Variants in CEP162 observed in about 807,000 individuals in gnomAD.
CEP162 encodes the protein centrosomal protein 162.
A neutral mutation model predicts 169.2 loss-of-function variants in CEP162; 141 were observed. That is an observed-to-expected ratio of 0.83 (90% CI 0.73 to 0.96). The LOEUF (loss-of-function observed/expected upper bound fraction) is 0.96, where lower values mean the gene tolerates loss of function less well. Among genes scored for constraint, CEP162 ranks in the 40% least tolerant of loss-of-function variants. CEP162 has a pLI of 0.00. For missense variants in CEP162, 1,600 were observed against 1,587.2 expected, an observed-to-expected ratio of 1.01 and a Z score of -0.14; for synonymous variants, 540 against 526.4, an observed-to-expected ratio of 1.03 and a Z score of -0.35.
intron 25 of CEP162, among the ~76,000 whole-genome samples, chr6:84,140,245 T>C (rs978644155): frequency 8.5e-5 from 13 of 152,192 alleles, no homozygotes; most frequent in Admixed American, 8.5e-4. Context: ...TTAGGAGCCT[T>C]TGGCGTTTCA....
At chr6:84,144,889 T>TATC (rs2099518157) in intron 25 of CEP162, among the ~76,000 whole-genome samples, 1 of 152,168 alleles carries the variant, frequency 6.6e-6, no homozygotes, top group African/African-American at 2.4e-5. Context: ...TTTTTTCCTC[T>TATC]ATCTCTCCAG....
intron 24 of CEP162, among the ~76,000 whole-genome samples, chr6:84,148,386 A>G (rs2099519865): frequency 6.6e-6 from 1 of 152,050 alleles, no homozygotes; most frequent in Non-Finnish European, 1.5e-5. Flanking sequence ...AAAATTAGTC[A>G]GGCATGGTGG....
intron 24 of CEP162, among the ~76,000 whole-genome samples, chr6:84,147,504 A>T (rs2099519415): frequency 6.6e-6 from 1 of 152,166 alleles, no homozygotes. Flanking sequence ...ATACCAAGAC[A>T]TAAAAATGAT....
chr6:84,149,601 GGAA>G lies in CEP162; in HGVS notation c.3729_3731del (p.Ser1244del), dbSNP rs1008097706. On this transcript the variant is annotated inframe_deletion, in exon 24 of 27. Coordinates refer to ENST00000403245, the MANE Select transcript of CEP162 (RefSeq NM_014895.4). ...TTTTACGATTTAGTTCAGCTACTTT[GGAA>G]GAAGAATTTTCTACTGCATTTTGGC... The G allele has an allele frequency of 7.5e-6, 12 of 1,603,442 alleles. No homozygotes were observed. Among genetic ancestry groups the G allele is most frequent in the African/African-American group, 2.7e-5 (2 of 74,554 alleles).
At chr6:84,193,185 T>G (rs568467247) in intron 11 of CEP162, among the ~76,000 whole-genome samples, 1 of 152,262 alleles carries the variant, frequency 6.6e-6, no homozygotes, top group African/African-American at 2.4e-5. Context: ...AGCATTTTAA[T>G]GAGGACCATT....
intron 2 of CEP162, among the ~76,000 whole-genome samples, 199 bp downstream of exon 2, chr6:84,226,138 C>A (rs1727638884): frequency 1.3e-5 from 2 of 151,470 alleles, no homozygotes; most frequent in Non-Finnish European, 2.9e-5. Context: ...GAATGCTGGA[C>A]CATGAGTTGA....
chr6:84,144,679 G>A, intron 25 of CEP162, among the ~76,000 whole-genome samples: 1 of 152,052 alleles, frequency 6.6e-6, no homozygotes, highest in Admixed American at 6.6e-5. Context: ...GTTCACAGAA[G>A]TGCTAACCCA....
intron 17 of CEP162, among the ~76,000 whole-genome samples, chr6:84,170,440 A>G (rs1032070001): frequency 6.6e-6 from 1 of 150,462 alleles, no homozygotes; most frequent in Non-Finnish European, 1.5e-5. Flanking sequence ...CACTGTGCAG[A>G]TTATCACACA....
chr6:84,162,683 A>AT (rs138727709), intron 19 of CEP162, among the ~76,000 whole-genome samples: 3,294 of 151,960 alleles, frequency 0.022, 119 homozygotes, highest in African/African-American at 0.075. Flanking sequence ...TTTGTTTGTA[A>AT]TTTTTTCTTA....
At chr6:84,173,819 G>A (rs1426630418) in intron 16 of CEP162, among the ~76,000 whole-genome samples, 4 of 151,864 alleles carry the variant, frequency 2.6e-5, no homozygotes, top group Non-Finnish European at 5.9e-5. Context: ...AAGTAGCTGG[G>A]ATGACAGGTG....
chr6:84,202,506 T>TTTTC (rs1220684527), intron 7 of CEP162, among the ~76,000 whole-genome samples: 12 of 149,848 alleles, frequency 8.0e-5, no homozygotes, highest in East Asian at 1.9e-4. Flanking sequence ...TTTTCTTTTC[T>TTTTC]TTTCTTTCTT....
chr6:84,174,709 G>C lies in CEP162; in HGVS notation c.2025+18C>G, dbSNP rs2099531655. The C allele has an allele frequency of 2.8e-6, 3 of 1,073,858 alleles. No individual in the cohort carries two copies. The highest frequency in any genetic ancestry group is 5.9e-5 in the Admixed American group (2 of 34,008). The allele number at this position is 1,073,858 out of a possible 1,614,324, so 66.5% of individuals were successfully genotyped here. ...TTTTAATAAATATAAAAAAATACCA[G>C]AACAATGTATCTAGTACCTTGGCTT... On this transcript the variant is annotated intron_variant, in intron 15 of 26. Coordinates refer to ENST00000403245, the MANE Select transcript of CEP162 (RefSeq NM_014895.4).
chr6:84,185,909 G>A (rs1230677322), intron 12 of CEP162, among the ~76,000 whole-genome samples: 3 of 152,076 alleles, frequency 2.0e-5, no homozygotes, highest in African/African-American at 7.2e-5. Context: ...AAGCAGAAGA[G>A]ATCAAGAATA....
chr6:84,187,483 C>T (rs2127715149), intron 11 of CEP162, among the ~76,000 whole-genome samples: 1 of 152,292 alleles, frequency 6.6e-6, no homozygotes, highest in South Asian at 2.1e-4. Flanking sequence ...TTCTTCATAG[C>T]AGCAGAACCT....
chr6:84,129,548 A>C (rs2099510391), intron 25 of CEP162, among the ~76,000 whole-genome samples: 1 of 151,710 alleles, frequency 6.6e-6, no homozygotes, highest in Non-Finnish European at 1.5e-5. Flanking sequence ...TTTTCTTGTA[A>C]ATTTGTTTAA....
chr6:84,211,822 C>A, intron 6 of CEP162, among the ~76,000 whole-genome samples: 1 of 148,420 alleles, frequency 6.7e-6, no homozygotes. Context: ...ATCCATAGAT[C>A]AATGATGCTC....
At position 84,219,191 on chromosome 6, in the gene CEP162, C is replaced by T. The variant is rs548948924; in HGVS notation, c.172+1866G>A. ...TTCTACACTCTTGATACAGGAATCACGTCTTGCCTTTTCATAATAATGCCT... is the reference window on the plus strand; with the variant it reads ...TTCTACACTCTTGATACAGGAATCATGTCTTGCCTTTTCATAATAATGCCT... On this transcript the variant is annotated intron_variant, in intron 3 of 26. Transcript: ENST00000403245. The T allele has an allele frequency of 9.4e-6, 12 of 1,282,668 alleles. No homozygotes were observed. The East Asian group carries it at 3.9e-4, about 42-fold the overall frequency. 79.5% of individuals were successfully genotyped at this position (1,282,668 alleles called of 1,614,324 possible).
Position 84,160,910 on chromosome 6 carries a change from T to A in CEP162, c.2683A>T (p.Lys895Ter), listed in dbSNP as rs1218868209. 1.9e-6 allele frequency: 3 copies of A among 1,590,754 alleles called. No homozygotes were observed. The South Asian group carries it at 3.3e-5, about 18-fold the overall frequency. Residue 895 changes from lysine (K) to a stop codon, truncating the protein, a stop_gained, in exon 21 of 27, where the codon AAA becomes TAA. Transcript: ENST00000403245. LOFTEE classifies it high-confidence loss of function. ...GGATTCCCAGATTCAGCTTTCAGTT[T>A]CTCAATCTGTCAATAAATAAATAAC... ...EIEKLKLEIEKLKAESGNPSI... is the reference protein window; with the variant it reads ...EIEKLKLEIE
intron 25 of CEP162, among the ~76,000 whole-genome samples, chr6:84,134,577 C>T (rs62449279): frequency 0.042 from 6,465 of 152,228 alleles, 197 homozygotes; most frequent in Admixed American, 0.086. Context: ...CAGTCCCTCA[C>T]GGCTTCCCTT....
Sources: gnomAD v4.1 joint callset for allele counts (sites outside exome capture counted in the v4.1 genomes callset) on GRCh38, gnomAD v4.1.1 for gene constraint, MANE v1.5 for transcripts, NCBI Gene and HGNC (gene_info 2026-07-23, HGNC 2026-07-21) for gene names.